Variants in CNTN6 observed in about 807,000 individuals in gnomAD.
The protein encoded by CNTN6 is contactin-6.
A neutral mutation model predicts 122.8 loss-of-function variants in CNTN6; 137 were observed. The observed-to-expected ratio is 1.12, with a 90% CI of 0.97 to 1.29. The LOEUF (loss-of-function observed/expected upper bound fraction) is 1.29. CNTN6 is among the 50% of genes most tolerant of loss of function. The pLI, the probability that CNTN6 is intolerant of heterozygous loss-of-function variation, is 0.00. For missense variants in CNTN6, 1,634 were observed against 1,223.4 expected, an observed-to-expected ratio of 1.34 and a Z score of -5.01; for synonymous variants, 570 against 426.0, an observed-to-expected ratio of 1.34 and a Z score of -4.16.
intron 1 of CNTN6, among the ~76,000 whole-genome samples, chr3:1,103,078 C>T (rs2091030414): frequency 6.6e-6 from 1 of 151,984 alleles, no homozygotes; most frequent in Non-Finnish European, 1.5e-5. Flanking sequence ...CGCACTCCAG[C>T]CTGGGCGACA....
At position 1,321,612 on chromosome 3, in the gene CNTN6, TA is replaced by T. The variant is rs762691754; in HGVS notation, c.762-35del. Reference sequence around the variant, plus strand: ...TCTTTTATTTTGCTGTCATAAAGATTAAACCGTCTTCTATTCTAATGAGGTG... The same window carrying T: ...TCTTTTATTTTGCTGTCATAAAGATTAACCGTCTTCTATTCTAATGAGGTG... On this transcript the variant is annotated intron_variant, in intron 7 of 22. Transcript: ENST00000446702. 3.1e-5 allele frequency: 48 copies of T among 1,528,584 alleles called. No individual in the cohort carries two copies. In the South Asian group the frequency reaches 5.9e-4, roughly 19 times the overall value. The allele number at this position is 1,528,584 out of a possible 1,614,324, so 94.7% of individuals were successfully genotyped here. A position where few individuals can be genotyped will look rare whatever the true frequency, so the allele number is the denominator to read the frequency against.
intron 1 of CNTN6, among the ~76,000 whole-genome samples, chr3:1,142,223 A>C (rs1031037168): frequency 1.3e-5 from 2 of 152,090 alleles, no homozygotes; most frequent in African/African-American, 4.8e-5. Flanking sequence ...AAAAAAAAAA[A>C]AAAAACATGA....
chr3:1,392,474 A>G (rs1205836165), intron 20 of CNTN6, among the ~76,000 whole-genome samples: 5 of 152,092 alleles, frequency 3.3e-5, no homozygotes, highest in Admixed American at 6.6e-5. Flanking sequence ...CCTAGGCATT[A>G]CCATTCAGGA....
At chr3:1,183,697 C>A (rs2125348959) in intron 2 of CNTN6, among the ~76,000 whole-genome samples, 1 of 152,188 alleles carries the variant, frequency 6.6e-6, no homozygotes, top group South Asian at 2.1e-4. Context: ...TGAATCATTG[C>A]ATTGATTTTC....
At position 1,352,440 on chromosome 3, in the gene CNTN6, T is replaced by C. The variant is rs1705799766; in HGVS notation, c.1481T>C (p.Leu494Pro). The change falls in exon 12 of 23, where the codon CTC becomes CCC. Residue 494 changes from leucine (L) to proline (P), a missense_variant. Transcript: ENST00000446702. Reference sequence around the variant, plus strand: ...GGCACTGCAAAGAACACTGGCAGCCTCATTGTAAAAGGTATCATATTATCT... The same window carrying C: ...GGCACTGCAAAGAACACTGGCAGCCCCATTGTAAAAGGTATCATATTATCT... ...QFGTAKNTGS[L>P]IVKERTVITV... is the part of the protein sequence containing the mutation. 6.2e-7 allele frequency: 1 copy of C among 1,609,716 alleles called. No homozygotes were observed. Among genetic ancestry groups the C allele is most frequent in the Non-Finnish European group, 8.5e-7 (1 of 1,177,154 alleles).
At chr3:1,303,612 C>G (rs1340284867) in intron 7 of CNTN6, among the ~76,000 whole-genome samples, 2 of 152,050 alleles carry the variant, frequency 1.3e-5, no homozygotes, top group Non-Finnish European at 2.9e-5. Context: ...CTAAATAAGT[C>G]CTCGCTTGCT....
In CNTN6 at chr3:1,313,327, A is replaced by T. The variant is rs185607517; in HGVS notation, c.762-8323A>T. Among the ~76,000 whole-genome samples, 238 of 152,166 alleles carry T rather than the reference A, an allele frequency of 1.6e-3. 2 individuals are homozygous for T. Among genetic ancestry groups the T allele is most frequent in the Admixed American group, 0.014 (210 of 15,250 alleles). On this transcript the variant is annotated intron_variant, in intron 7 of 22. Transcript: ENST00000446702. ...TATTCATATTATTTACATTAAAAGG[A>T]GTAGAAATTGGTAGTAAAATTCTTA... is the stretch of plus-strand genomic sequence containing the variant.
chr3:1,309,240 C>T (rs907077532), intron 7 of CNTN6, among the ~76,000 whole-genome samples: 1 of 152,140 alleles, frequency 6.6e-6, no homozygotes, highest in Non-Finnish European at 1.5e-5. Flanking sequence ...TCTCCTCTGT[C>T]ATCTTCTAGA....
intron 2 of CNTN6, among the ~76,000 whole-genome samples, chr3:1,180,814 G>T (rs558684231): frequency 1.3e-5 from 2 of 152,178 alleles, no homozygotes; most frequent in Non-Finnish European, 2.9e-5. Flanking sequence ...CCTCTGTGAA[G>T]TATGGATAAC....
chr3:1,167,867 A>T (rs551748443), intron 2 of CNTN6, among the ~76,000 whole-genome samples: 4 of 152,304 alleles, frequency 2.6e-5, no homozygotes, highest in African/African-American at 7.2e-5. Context: ...ATGAGTTAGG[A>T]TCTCAAAATA....
chr3:1,241,976 T>G (rs1171695053), intron 4 of CNTN6, among the ~76,000 whole-genome samples: 1 of 152,210 alleles, frequency 6.6e-6, no homozygotes, highest in African/African-American at 2.4e-5. Context: ...GGCTCTTGTG[T>G]AAGAATTCCG....
intron 12 of CNTN6, among the ~76,000 whole-genome samples, chr3:1,371,137 T>C (rs1708956222): frequency 6.6e-6 from 1 of 152,150 alleles, no homozygotes; most frequent in Non-Finnish European, 1.5e-5. Flanking sequence ...AACATTCTAT[T>C]GGTAAAATGC....
chr3:1,257,980 A>C (rs2094786756), intron 4 of CNTN6, among the ~76,000 whole-genome samples: 1 of 152,156 alleles, frequency 6.6e-6, no homozygotes, highest in African/African-American at 2.4e-5. Context: ...CTTGAAGTCC[A>C]TTCTATCAAT....
At chr3:1,143,700 C>T (rs1388132955) in intron 1 of CNTN6, among the ~76,000 whole-genome samples, 3 of 152,106 alleles carry the variant, frequency 2.0e-5, no homozygotes, top group East Asian at 1.9e-4. Flanking sequence ...AAATGGCAAC[C>T]CATGCATAAA....
At chr3:1,400,187 A>C (rs1359749177) in intron 20 of CNTN6, among the ~76,000 whole-genome samples, 1 of 152,086 alleles carries the variant, frequency 6.6e-6, no homozygotes, top group Non-Finnish European at 1.5e-5. Context: ...GATGCCAAAA[A>C]CATCTTGTTG....
chr3:1,260,742 G>A (rs571445012), intron 4 of CNTN6, among the ~76,000 whole-genome samples: 6 of 152,066 alleles, frequency 3.9e-5, no homozygotes, highest in Admixed American at 2.0e-4. Context: ...CACGAGATCT[G>A]ATAATTTAAA....
chr3:1,180,519 TTACTAAA>T (rs1374174595), intron 2 of CNTN6, among the ~76,000 whole-genome samples: 1 of 152,250 alleles, frequency 6.6e-6, no homozygotes, highest in Non-Finnish European at 1.5e-5. Context: ...AAATCCAGGT[TTACTAAA>T]TATTTTATCT....
intron 2 of CNTN6, among the ~76,000 whole-genome samples, chr3:1,179,384 C>A (rs1173269853): frequency 1.3e-5 from 2 of 152,066 alleles, no homozygotes; most frequent in Admixed American, 6.6e-5. Flanking sequence ...AGCTCTTAAT[C>A]ACTGTTAGAT....
intron 5 of CNTN6, among the ~76,000 whole-genome samples, chr3:1,282,033 A>T (rs1437656088): frequency 6.6e-6 from 1 of 152,048 alleles, no homozygotes; most frequent in Non-Finnish European, 1.5e-5. Context: ...AGAGTAAGAA[A>T]AAGTATCGAC....
Sources: gnomAD v4.1 joint callset for allele counts (sites outside exome capture counted in the v4.1 genomes callset) on GRCh38, gnomAD v4.1.1 for gene constraint, MANE v1.5 for transcripts, NCBI Gene and HGNC (gene_info 2026-07-23, HGNC 2026-07-21) for gene names.